Variants in CARF observed in about 807,000 individuals in gnomAD.
CARF encodes the protein calcium-responsive transcription factor.
In CARF, 57 loss-of-function variants were observed where a neutral mutation model predicts 82.0. That is an observed-to-expected ratio of 0.70 (90% CI 0.56 to 0.87). The LOEUF (loss-of-function observed/expected upper bound fraction) is 0.87. CARF is among the 40% of genes least tolerant of loss of function. The pLI is 0.00. For missense variants in CARF, 771 were observed against 855.8 expected (o/e 0.90, Z 1.24); for synonymous variants, 268 against 290.1 (o/e 0.92, Z 0.77).
At chr2:202,949,516 T>TTA (rs2058657662) in intron 5 of CARF, among the ~76,000 whole-genome samples, 1 of 91,656 alleles carries the variant, frequency 1.1e-5, no homozygotes, top group Non-Finnish European at 2.3e-5. Flanking sequence ...TTGTTATTTA[T>TTA]TTATTATTAT....
chr2:202,936,622 G>C (rs1282126190), intron 3 of CARF, among the ~76,000 whole-genome samples: 1 of 152,056 alleles, frequency 6.6e-6, no homozygotes, highest in Non-Finnish European at 1.5e-5. Context: ...CTATCTTTGG[G>C]CTCTACCTTT....
intron 9 of CARF, 50 bp from the exon 10 acceptor site, chr2:202,966,928 A>G: frequency 3.1e-6 from 5 of 1,595,360 alleles, no homozygotes; most frequent in Non-Finnish European, 4.3e-6. Context: ...TCTAGTGTCT[A>G]GAATAGATGG....
chr2:202,941,793 G>A, intron 3 of CARF, 67 bp from the exon 4 acceptor site: 1 of 739,136 alleles, frequency 1.4e-6, no homozygotes, highest in Admixed American at 2.4e-5. Flanking sequence ...TGAGAGATTT[G>A]TTTAAGATAA....
At chr2:202,917,206 G>A (rs1689869384) in intron 1 of CARF, among the ~76,000 whole-genome samples, 1 of 51,692 alleles carries the variant, frequency 1.9e-5, no homozygotes, top group Middle Eastern at 0.024. Flanking sequence ...GCGAGACTCC[G>A]TCTCAAAAAA....
intron 5 of CARF, among the ~76,000 whole-genome samples, chr2:202,951,508 T>C (rs2058752077): frequency 6.6e-6 from 1 of 152,114 alleles, no homozygotes; most frequent in African/African-American, 2.4e-5. Flanking sequence ...TATGTGGTGC[T>C]GATGGAAGTC....
chr2:202,942,023 C>A, intron 4 of CARF, 43 bp downstream of exon 4: 1 of 1,449,912 alleles, frequency 6.9e-7, no homozygotes, highest in South Asian at 1.1e-5. Flanking sequence ...TAGGGTAAAA[C>A]AGCATGCCAT....
intron 9 of CARF, among the ~76,000 whole-genome samples, chr2:202,964,035 A>T (rs1300522376): frequency 6.6e-6 from 1 of 152,082 alleles, no homozygotes; most frequent in Non-Finnish European, 1.5e-5. Flanking sequence ...CCAATTCTTT[A>T]TTAGATAGAT....
chr2:202,921,136 G>T (rs1028894369), intron 2 of CARF, among the ~76,000 whole-genome samples: 1 of 152,038 alleles, frequency 6.6e-6, no homozygotes, highest in East Asian at 1.9e-4. Context: ...CAGGTAGCTG[G>T]GACTACAAGT....
intron 12 of CARF, among the ~76,000 whole-genome samples, chr2:202,973,916 G>A (rs931055817): frequency 4.6e-5 from 7 of 151,850 alleles, no homozygotes; most frequent in East Asian, 1.9e-4. Context: ...GTGAAACCCT[G>A]TCTCTACTAA....
intron 5 of CARF, 145 bp from the exon 6 acceptor site, chr2:202,952,414 C>A: frequency 1.3e-6 from 1 of 763,126 alleles, no homozygotes; most frequent in Non-Finnish European, 1.9e-6. Context: ...TGTTTATGTG[C>A]CTCAATGTTT....
At chr2:202,914,471 CAG>C (rs1334693757) in intron 1 of CARF, among the ~76,000 whole-genome samples, 1 of 152,080 alleles carries the variant, frequency 6.6e-6, no homozygotes, top group Non-Finnish European at 1.5e-5. Context: ...AGATCTACCT[CAG>C]AGTCATTGTA....
chr2:202,940,478 C>G (rs904663483), intron 3 of CARF, among the ~76,000 whole-genome samples: 1 of 152,112 alleles, frequency 6.6e-6, no homozygotes, highest in African/African-American at 2.4e-5. Flanking sequence ...TCTGGTGACT[C>G]AATCTCATGG....
At chr2:202,945,151 A>G (rs1168655401) in intron 5 of CARF, among the ~76,000 whole-genome samples, 1 of 152,112 alleles carries the variant, frequency 6.6e-6, no homozygotes, top group Non-Finnish European at 1.5e-5. Context: ...GTTTCAGTGG[A>G]CTGTATTTTT....
intron 7 of CARF, among the ~76,000 whole-genome samples, chr2:202,954,990 G>A (rs2058968370): frequency 6.6e-6 from 1 of 151,822 alleles, no homozygotes; most frequent in African/African-American, 2.4e-5. Flanking sequence ...CTCCAGCCTG[G>A]GTGACAGAGC....
intron 2 of CARF, among the ~76,000 whole-genome samples, chr2:202,918,407 G>A (rs1046718461): frequency 1.1e-4 from 16 of 152,154 alleles, no homozygotes; most frequent in African/African-American, 3.6e-4. Context: ...TATAGTCCCA[G>A]CTACTCTGGA....
At chr2:202,947,769 A>G (rs889453881) in intron 5 of CARF, among the ~76,000 whole-genome samples, 3 of 152,216 alleles carry the variant, frequency 2.0e-5, no homozygotes, top group Admixed American at 6.5e-5. Context: ...TGTCAGATGT[A>G]TAGTTTGCAG....
chr2:202,959,399 C>T (rs2059202835), intron 8 of CARF, among the ~76,000 whole-genome samples: 1 of 152,142 alleles, frequency 6.6e-6, no homozygotes, highest in Admixed American at 6.5e-5. Flanking sequence ...TGTATTCTTC[C>T]TTTCTGCCCA....
At chr2:202,958,279 G>GTGTGTGTT (rs1243109505) in intron 8 of CARF, among the ~76,000 whole-genome samples, 1 of 151,554 alleles carries the variant, frequency 6.6e-6, no homozygotes, top group East Asian at 1.9e-4. Flanking sequence ...GTGTGTGTGT[G>GTGTGTGTT]TAGTTTTAGC....
At chr2:202,978,313 CA>C (rs1289264045) in intron 14 of CARF, among the ~76,000 whole-genome samples, 2 of 151,976 alleles carry the variant, frequency 1.3e-5, no homozygotes, top group Non-Finnish European at 2.9e-5. Flanking sequence ...GGGAGGAAGC[CA>C]TATTGGGGTG....
Sources: gnomAD v4.1 joint callset for allele counts (sites outside exome capture counted in the v4.1 genomes callset) on GRCh38, gnomAD v4.1.1 for gene constraint, MANE v1.5 for transcripts, NCBI Gene and HGNC (gene_info 2026-07-23, HGNC 2026-07-21) for gene names.